NRXN1: variants seen among roughly 807,000 people sequenced by gnomAD.
The protein encoded by NRXN1 is neurexin-1.
A neutral mutation model predicts 150.9 loss-of-function variants in NRXN1; 39 were observed. That is an observed-to-expected ratio of 0.26 (90% CI 0.20 to 0.34). NRXN1 has a LOEUF of 0.34. NRXN1 is among the 10% of genes least tolerant of loss of function. NRXN1 has a pLI of 1.00. For synonymous variants in NRXN1, 924 were observed against 757.0 expected (o/e 1.22, Z -3.62); for missense variants, 1,815 against 1,949.9 (o/e 0.93, Z 1.30).
At chr2:50,016,794 A>G (rs190642681) in intron 21 of NRXN1, among the ~76,000 whole-genome samples, 1 of 152,306 alleles carries the variant, frequency 6.6e-6, no homozygotes, top group African/African-American at 2.4e-5. Context: ...ACATCAGGCT[A>G]TATGGAAAAA....
chr2:50,854,468 A>G (rs1013509043), intron 5 of NRXN1, among the ~76,000 whole-genome samples: 2 of 152,146 alleles, frequency 1.3e-5, no homozygotes, highest in African/African-American at 4.8e-5. Flanking sequence ...AGTAAAGTAC[A>G]TTCCGTAGAG....
intron 18 of NRXN1, among the ~76,000 whole-genome samples, chr2:50,175,802 C>T (rs1193478666): frequency 6.6e-6 from 1 of 152,000 alleles, no homozygotes; most frequent in Non-Finnish European, 1.5e-5. Flanking sequence ...ACAAATCTTC[C>T]CATTGACAAG....
intron 5 of NRXN1, among the ~76,000 whole-genome samples, chr2:50,724,200 T>C (rs1179908139): frequency 6.8e-6 from 1 of 147,204 alleles, no homozygotes; most frequent in Non-Finnish European, 1.5e-5. Context: ...TAATAGTATC[T>C]GATCCAGAAA....
chr2:50,152,517 G>A (rs946525636), intron 18 of NRXN1, among the ~76,000 whole-genome samples: 7 of 151,698 alleles, frequency 4.6e-5, no homozygotes, highest in Admixed American at 1.3e-4. Context: ...TATGTTTCCC[G>A]CAGCTTTTAT....
intron 17 of NRXN1, among the ~76,000 whole-genome samples, chr2:50,306,992 T>C (rs2074679170): frequency 6.6e-6 from 1 of 152,140 alleles, no homozygotes; most frequent in Admixed American, 6.5e-5. Flanking sequence ...AGTTTTGTTT[T>C]GTTTTTTTCT....
At position 50,410,677 on chromosome 2, in the gene NRXN1, A is replaced by G. The variant is rs77218082; in HGVS notation, c.3364+54765T>C. On this transcript the variant is annotated intron_variant, in intron 17 of 22. Coordinates refer to ENST00000401669, the MANE Select transcript of NRXN1 (RefSeq NM_001330078.2). Reference sequence around the variant, plus strand: ...CATGCTAACTCACAAATATTTCAGAAAAAAAAAGTATAAAAAAGACATAAT... The same window carrying G: ...CATGCTAACTCACAAATATTTCAGAGAAAAAAAGTATAAAAAAGACATAAT... 6.2e-3 allele frequency among the ~76,000 whole-genome samples: 945 copies of G among 152,274 alleles called. 11 individuals are homozygous for G. Among genetic ancestry groups the G allele is most frequent in the African/African-American group, 0.021 (886 of 41,552 alleles).
chr2:50,574,955 T>C (rs1276606149), intron 8 of NRXN1, among the ~76,000 whole-genome samples: 3 of 152,190 alleles, frequency 2.0e-5, no homozygotes, highest in African/African-American at 4.8e-5. Flanking sequence ...CCCCCAGCAA[T>C]GATGCATTGC....
chr2:50,810,942 T>G (rs1668133165), intron 5 of NRXN1, among the ~76,000 whole-genome samples: 1 of 151,528 alleles, frequency 6.6e-6, no homozygotes, highest in Non-Finnish European at 1.5e-5. Context: ...ATCACACCAC[T>G]GCACTCCAGC....
chr2:50,956,459 A>C (rs528165080), intron 2 of NRXN1, among the ~76,000 whole-genome samples: 50 of 152,192 alleles, frequency 3.3e-4, no homozygotes, highest in Admixed American at 2.2e-3. Context: ...CTTTAAAAGT[A>C]AGATTTAGCT....
chr2:50,715,532 C>T (rs894649496), intron 5 of NRXN1, among the ~76,000 whole-genome samples: 2 of 152,014 alleles, frequency 1.3e-5, no homozygotes, highest in African/African-American at 4.8e-5. Flanking sequence ...ATAAATATGC[C>T]GTCTATTTCT....
intron 5 of NRXN1, among the ~76,000 whole-genome samples, chr2:50,626,964 T>C (rs771489642): frequency 1.3e-5 from 2 of 151,834 alleles, no homozygotes; most frequent in Admixed American, 6.6e-5. Flanking sequence ...CAGATATGTA[T>C]TGCTTATGAA....
intron 2 of NRXN1, among the ~76,000 whole-genome samples, chr2:50,939,184 CT>C (rs1689004538): frequency 7.7e-6 from 1 of 129,208 alleles, no homozygotes; most frequent in African/African-American, 3.0e-5. Context: ...GCACTCTAGC[CT>C]GGGCAACAGA....
In NRXN1 at chr2:50,934,159, T is replaced by C. The variant is rs1574973153; in HGVS notation, c.773-8204A>G. The stretch of plus-strand genomic sequence containing the variant: ...TCTCTCTAACACATATGTGTATACA[T>C]ATACACACCCAATTGGTATTTCATT... On this transcript the variant is annotated intron_variant, in intron 2 of 22. Coordinates refer to ENST00000401669, the MANE Select transcript of NRXN1 (RefSeq NM_001330078.2). Among the ~76,000 whole-genome samples, 4 of 152,256 alleles carry C rather than the reference T, an allele frequency of 2.6e-5. No homozygotes were observed. The South Asian group carries it at 8.3e-4, about 32-fold the overall frequency.
chr2:50,707,387 G>A (rs1362278698), intron 5 of NRXN1, among the ~76,000 whole-genome samples: 1 of 152,164 alleles, frequency 6.6e-6, no homozygotes, highest in African/African-American at 2.4e-5. Flanking sequence ...GAAGAAAAGT[G>A]CAGTGCTGGT....
At chr2:50,189,442 C>T (rs1179392709) in intron 18 of NRXN1, among the ~76,000 whole-genome samples, 1 of 152,072 alleles carries the variant, frequency 6.6e-6, no homozygotes, top group Non-Finnish European at 1.5e-5. Flanking sequence ...TGCAGCAAAC[C>T]ACCATGGCAC....
intron 17 of NRXN1, among the ~76,000 whole-genome samples, chr2:50,335,929 G>A (rs1215998929): frequency 6.6e-6 from 1 of 151,212 alleles, no homozygotes; most frequent in African/African-American, 2.4e-5. Flanking sequence ...ACCCACTGTT[G>A]GAGAGGGGTT....
chr2:50,545,535 G>A (rs923968623), intron 9 of NRXN1, among the ~76,000 whole-genome samples: 9 of 152,034 alleles, frequency 5.9e-5, no homozygotes, highest in African/African-American at 1.5e-4. Flanking sequence ...TTCAGAGGGC[G>A]GTTTCATTTC....
intron 5 of NRXN1, among the ~76,000 whole-genome samples, chr2:50,755,978 T>C (rs1314125742): frequency 6.6e-6 from 1 of 151,768 alleles, no homozygotes; most frequent in African/African-American, 2.4e-5. Context: ...GACAAAAAGA[T>C]ATCTAGAGGG....
At chr2:50,003,891 T>A (rs1684340068) in intron 21 of NRXN1, among the ~76,000 whole-genome samples, 1 of 152,116 alleles carries the variant, frequency 6.6e-6, no homozygotes, top group African/African-American at 2.4e-5. Context: ...AGATGGAACA[T>A]TTTCCTTCCC....
Sources: gnomAD v4.1 joint callset for allele counts (sites outside exome capture counted in the v4.1 genomes callset) on GRCh38, gnomAD v4.1.1 for gene constraint, MANE v1.5 for transcripts, NCBI Gene and HGNC (gene_info 2026-07-23, HGNC 2026-07-21) for gene names.